The following VAC14 variants were observed in gnomAD, a reference collection of about 807,000 sequenced individuals.
VAC14 encodes the protein protein VAC14 homolog.
In VAC14, 47 loss-of-function variants were observed where a neutral mutation model predicts 85.3. The ratio of observed to expected loss-of-function variants is 0.55; its 90% CI spans 0.44 to 0.70. The LOEUF (loss-of-function observed/expected upper bound fraction) is 0.70, where lower values mean the gene tolerates loss of function less well. Among genes scored for constraint, VAC14 ranks in the 30% least tolerant of loss-of-function variants. The pLI, the probability that VAC14 is intolerant of heterozygous loss-of-function variation, is 0.00. For synonymous variants in VAC14, 447 were observed against 430.5 expected, an observed-to-expected ratio of 1.04 and a Z score of -0.47; for missense variants, 861 against 1,004.3, an observed-to-expected ratio of 0.86 and a Z score of 1.93.
chr16:70,751,247 C>T (rs1455737738), intron 12 of VAC14, among the ~76,000 whole-genome samples: 1 of 152,206 alleles, frequency 6.6e-6, no homozygotes, highest in Non-Finnish European at 1.5e-5. Context: ...GACAGGAAAT[C>T]CCCAAGCTGG....
chr16:70,733,718 C>T lies in VAC14; in HGVS notation c.1529-2091G>A, dbSNP rs543125960. 1.1e-4 allele frequency among the ~76,000 whole-genome samples: 17 copies of T among 152,068 alleles called. No homozygotes were observed. The East Asian group carries it at 1.4e-3, about 12-fold the overall frequency. On this transcript the variant is annotated intron_variant, in intron 13 of 18. Coordinates refer to ENST00000261776, the MANE Select transcript of VAC14 (RefSeq NM_018052.5). ...ACTATGATTGTAAACTTCCTGAGGC[C>T]GCCTCAGGAACCAAGCAGATGCTAA... is the stretch of plus-strand genomic sequence containing the variant.
At chr16:70,799,632 C>T (rs1031718225) in intron 1 of VAC14, among the ~76,000 whole-genome samples, 1 of 152,154 alleles carries the variant, frequency 6.6e-6, no homozygotes, top group African/African-American at 2.4e-5. Context: ...AGGTCAGAGA[C>T]GCTGTTAAAA....
rs552819381 is a variant in VAC14, at chr16:70,735,322, G to C, written c.1529-3695C>G. The stretch of plus-strand genomic sequence containing the variant: ...ACAAGCACAAGATAGGCAGGATGTG[G>C]AGGATCTGGGAACCAAACTTGGCCA... On this transcript the variant is annotated intron_variant, in intron 13 of 18. Transcript: ENST00000261776. 4.6e-5 allele frequency among the ~76,000 whole-genome samples: 6 copies of C among 129,070 alleles called. No individual in the cohort carries two copies. In the South Asian group the frequency reaches 1.3e-3, roughly 28 times the overall value. The allele number at this position is 129,070 out of a possible 152,430, so 84.7% of individuals were successfully genotyped here. A position where few individuals can be genotyped will look rare whatever the true frequency, so the allele number is the denominator to read the frequency against.
At chr16:70,795,494 T>TG (rs1248171244) in intron 1 of VAC14, among the ~76,000 whole-genome samples, 9 of 91,942 alleles carry the variant, frequency 9.8e-5, no homozygotes, top group South Asian at 3.6e-4. Flanking sequence ...AGACTCTGTC[T>TG]AAAAAAAAAA....
At chr16:70,691,218 G>A (rs906098312) in intron 18 of VAC14, 59 of 985,294 alleles carry the variant, frequency 6.0e-5, no homozygotes, top group Non-Finnish European at 7.0e-5. Flanking sequence ...CTCCCAAGAC[G>A]AGGAGATCAG....
chr16:70,742,301 G>A lies in VAC14; in HGVS notation c.1528+2122C>T, dbSNP rs550932705. Among the ~76,000 whole-genome samples, 24 of 152,288 alleles carry A rather than the reference G, an allele frequency of 1.6e-4. 1 individual carries two copies. Among genetic ancestry groups the A allele is most frequent in the Middle Eastern group, 3.4e-3 (1 of 294 alleles). ...GGATGCCTCCTCTTGGCTGCTGCCCGTCTTCCGGTCAGTTCTTGCTGCTCC... is the reference window on the plus strand; with the variant it reads ...GGATGCCTCCTCTTGGCTGCTGCCCATCTTCCGGTCAGTTCTTGCTGCTCC... On this transcript the variant is annotated intron_variant, in intron 13 of 18. Coordinates refer to ENST00000261776, the MANE Select transcript of VAC14 (RefSeq NM_018052.5).
chr16:70,719,645 G>T (rs1345128032), intron 14 of VAC14, among the ~76,000 whole-genome samples: 1 of 152,152 alleles, frequency 6.6e-6, no homozygotes, highest in African/African-American at 2.4e-5. Flanking sequence ...TAGTCTTTAG[G>T]GAAATGCATA....
intron 14 of VAC14, among the ~76,000 whole-genome samples, chr16:70,720,614 A>G (rs1047659403): frequency 1.3e-5 from 2 of 152,212 alleles, no homozygotes; most frequent in Non-Finnish European, 2.9e-5. Context: ...TCAGAGGGAA[A>G]GGAGTGGATA....
chr16:70,717,202 C>T (rs569373830), intron 14 of VAC14, among the ~76,000 whole-genome samples: 25 of 152,370 alleles, frequency 1.6e-4, no homozygotes, highest in African/African-American at 5.5e-4. Flanking sequence ...TCTGGCCACA[C>T]TGATGGGTCC....
intron 1 of VAC14, among the ~76,000 whole-genome samples, chr16:70,798,738 C>G (rs938410342): frequency 6.6e-6 from 1 of 152,146 alleles, no homozygotes; most frequent in African/African-American, 2.4e-5. Flanking sequence ...AGCTGCAGAG[C>G]CTCTAACAAG....
At chr16:70,771,966 T>C (rs2033253816) in intron 10 of VAC14, 143 bp downstream of exon 10, 2 of 707,194 alleles carry the variant, frequency 2.8e-6, no homozygotes, top group South Asian at 3.6e-5. Context: ...CTTCATCAAT[T>C]AACTCTTTTG....
At chr16:70,688,413 C>T in intron 18 of VAC14, 1 of 1,020,720 alleles carries the variant, frequency 9.8e-7, no homozygotes, top group Non-Finnish European at 1.2e-6. Flanking sequence ...GGGGTGAAAG[C>T]CAGGGCTAGC....
At chr16:70,780,155 T>A (rs189887456) in intron 9 of VAC14, among the ~76,000 whole-genome samples, 1 of 152,016 alleles carries the variant, frequency 6.6e-6, no homozygotes, top group Non-Finnish European at 1.5e-5. Flanking sequence ...AAATGTGGTT[T>A]CTTATAATGC....
At chr16:70,738,890 C>T (rs2029977588) in intron 13 of VAC14, among the ~76,000 whole-genome samples, 1 of 152,202 alleles carries the variant, frequency 6.6e-6, no homozygotes, top group African/African-American at 2.4e-5. Context: ...TCCGCATGCA[C>T]TTCCAGCTGG....
At chr16:70,706,050 G>A (rs1033829965) in intron 14 of VAC14, among the ~76,000 whole-genome samples, 49 of 152,300 alleles carry the variant, frequency 3.2e-4, no homozygotes, top group African/African-American at 1.1e-3. Context: ...TCTGGCACCA[G>A]GACCCTCTGG....
intron 12 of VAC14, among the ~76,000 whole-genome samples, chr16:70,753,052 C>T (rs932609055): frequency 9.1e-5 from 13 of 143,114 alleles, no homozygotes; most frequent in Non-Finnish European, 1.7e-4. Context: ...GTGTGTCAGA[C>T]AGATGGACAG....
At chr16:70,755,193 G>A (rs2031735458) in intron 12 of VAC14, 4 of 342,406 alleles carry the variant, frequency 1.2e-5, no homozygotes, top group South Asian at 6.4e-5. Flanking sequence ...GGTCAGCCAG[G>A]TGGAAGATGG....
At chr16:70,786,058 C>T (rs2034040984) in intron 2 of VAC14, 157 bp downstream of exon 2, 4 of 1,406,510 alleles carry the variant, frequency 2.8e-6, no homozygotes, top group South Asian at 2.7e-5. Flanking sequence ...GGCTGCAAGG[C>T]CGCAAAGCCA....
chr16:70,722,983 G>A (rs144730779), intron 14 of VAC14, among the ~76,000 whole-genome samples: 7,956 of 152,088 alleles, frequency 0.052, 222 homozygotes, highest in Middle Eastern at 0.12. Context: ...TGGGAGGCTG[G>A]GGTGGGTGGA....
Sources: allele counts gnomAD v4.1 joint callset (sites outside exome capture counted in the v4.1 genomes callset), GRCh38; gene constraint gnomAD v4.1.1; transcripts MANE v1.5; gene names NCBI Gene and HGNC (gene_info 2026-07-23, HGNC 2026-07-21).